The following CHD4 variants were observed in gnomAD, a reference collection of about 807,000 sequenced individuals.
CHD4 encodes the protein chromodomain helicase DNA binding protein 4.
A neutral mutation model predicts 235.5 loss-of-function variants in CHD4; 35 were observed. The ratio of observed to expected loss-of-function variants is 0.15; its 90% CI spans 0.11 to 0.20. The LOEUF is 0.20. CHD4 is among the 10% of genes least tolerant of loss of function. The pLI, the probability that CHD4 is intolerant of heterozygous loss-of-function variation, is 1.00. For missense variants in CHD4, 1,329 were observed against 2,432.3 expected (o/e 0.55, Z 9.54); for synonymous variants, 900 against 850.2 (o/e 1.06, Z -1.02).
chr12:6,581,628 T>C (rs781559340), intron 31 of CHD4, 21 bp downstream of exon 31: 15 of 1,613,736 alleles, frequency 9.3e-6, no homozygotes, highest in East Asian at 2.2e-5. Context: ...GGACAGAAAA[T>C]GATAGGACAG....
chr12:6,596,262 C>CAAAA, intron 12 of CHD4, 125 bp from the exon 13 acceptor site: 1 of 1,222,748 alleles, frequency 8.2e-7, no homozygotes, highest in Non-Finnish European at 1.1e-6. Flanking sequence ...CACACGTTTT[C>CAAAA]AGAGCCTCTA....
intron 22 of CHD4, among the ~76,000 whole-genome samples, chr12:6,588,817 C>T (rs371468099): frequency 1.3e-4 from 20 of 152,038 alleles, no homozygotes; most frequent in East Asian, 3.9e-4. Context: ...TGGTGGCACA[C>T]GCCTGTAGTC....
chr12:6,587,543 C>G lies in CHD4; in HGVS notation c.3720G>C (p.Glu1240Asp), dbSNP rs776708445. The G allele has an allele frequency of 6.2e-7, 1 of 1,614,104 alleles. No homozygotes were observed. Among genetic ancestry groups the G allele is most frequent in the Non-Finnish European group, 8.5e-7 (1 of 1,179,990 alleles). ...AGTGGATAACACTGCTATCTTCTCC[C>G]TCTTTGTTGTCTCCTCCTATAAAAA... ...EATDGGGDNK[E>D]GEDSSVIHYD... Residue 1240 changes from glutamate (E) to aspartate (D), a missense_variant, in exon 25 of 40, where the codon GAG becomes GAC. By Grantham distance (45) the Glu-to-Asp change is conservative. This residue lies in a region of CHD4 where 21 missense variants were observed against 53.5 expected (regional missense o/e 0.39). Transcript: ENST00000544040.
chr12:6,591,082 C>G (rs773707679), intron 22 of CHD4, among the ~76,000 whole-genome samples: 5 of 143,020 alleles, frequency 3.5e-5, no homozygotes, highest in Non-Finnish European at 7.6e-5. Flanking sequence ...AAGATCGTGC[C>G]GCTGCACTCC....
At chr12:6,590,414 GTTA>G (rs1437322190) in intron 22 of CHD4, among the ~76,000 whole-genome samples, 10 of 152,050 alleles carry the variant, frequency 6.6e-5, no homozygotes, top group Non-Finnish European at 1.0e-4. Context: ...AGTTACGTAA[GTTA>G]TTATTAAGAG....
At chr12:6,576,153 T>C (rs1948067089) in intron 37 of CHD4, among the ~76,000 whole-genome samples, 1 of 151,830 alleles carries the variant, frequency 6.6e-6, no homozygotes, top group Non-Finnish European at 1.5e-5. Flanking sequence ...GGTCAAGAGA[T>C]CGAGACCATC....
chr12:6,578,997 G>A lies in CHD4; in HGVS notation c.4910-80C>T, dbSNP rs1028066210. The A allele has an allele frequency of 1.3e-5, 17 of 1,311,742 alleles. No individual in the cohort carries two copies. In the East Asian group the frequency reaches 3.5e-4, roughly 27 times the overall value. The allele number at this position is 1,311,742 out of a possible 1,614,324, so 81.3% of individuals were successfully genotyped here. Reference sequence around the variant, plus strand: ...TTGCACACTATTATCCAATTGGATAGACCCACATCTAAATGTCTGCAATTA... The same window carrying A: ...TTGCACACTATTATCCAATTGGATAAACCCACATCTAAATGTCTGCAATTA... On this transcript the variant is annotated intron_variant, in intron 33 of 39. Transcript: ENST00000544040.
intron 23 of CHD4, 118 bp from the exon 24 acceptor site, chr12:6,588,067 G>T (rs1211502267): frequency 6.6e-6 from 8 of 1,211,886 alleles, no homozygotes; most frequent in Non-Finnish European, 9.3e-6. Context: ...TACATTCATA[G>T]GAAACTTCCT....
At chr12:6,597,300 TAAAG>T (rs946271820) in intron 12 of CHD4, among the ~76,000 whole-genome samples, 2 of 149,446 alleles carry the variant, frequency 1.3e-5, no homozygotes, top group African/African-American at 4.9e-5. Context: ...AATAAATAAA[TAAAG>T]ATAATAACAT....
chr12:6,588,053 A>C, intron 23 of CHD4, 104 bp from the exon 24 acceptor site: 1 of 1,271,292 alleles, frequency 7.9e-7, no homozygotes, highest in Admixed American at 1.9e-5. Context: ...CAAGGTCCAC[A>C]GCCTACATTC....
rs767352912 is a variant in CHD4 at position 6,595,326 on chromosome 12, C to T, written c.2121+8G>A. Reference sequence around the variant, plus strand: ...CAACAAACTACAGTCCCTTCCACCCCCACTCACATCAACTGTTGGCGTTTC... The same window carrying T: ...CAACAAACTACAGTCCCTTCCACCCTCACTCACATCAACTGTTGGCGTTTC... On this transcript the variant is annotated splice_region_variant and intron_variant, in intron 14 of 39. Transcript: ENST00000544040. 6.2e-7 allele frequency: 1 copy of T among 1,612,232 alleles called. No homozygotes were observed. The highest frequency in any genetic ancestry group is 1.1e-5 in the South Asian group (1 of 91,026).
At chr12:6,605,201 G>A (rs749593256) in intron 2 of CHD4, among the ~76,000 whole-genome samples, 8 of 152,162 alleles carry the variant, frequency 5.3e-5, no homozygotes, top group Admixed American at 2.6e-4. Flanking sequence ...AGTGAATGAT[G>A]CTGGATGAGA....
rs1041811236 is a variant in CHD4, at chr12:6,593,279, A to G, written c.2515-51T>C. On this transcript the variant is annotated intron_variant, in intron 16 of 39. Transcript: ENST00000544040. This position sits in a 1 kb window ranked among gnomAD's most constrained non-coding sequence, Gnocchi z 4.9. ...TACTAGTCAGTTCCTCTGTGTAAGC[A>G]CAACCAGGAGACTGATGGAATGTTT... The G allele has an allele frequency of 6.2e-7, 1 of 1,611,688 alleles. No homozygotes were observed. The highest frequency in any genetic ancestry group is 8.5e-7 in the Non-Finnish European group (1 of 1,178,284).
At position 6,578,453 on chromosome 12, in the gene CHD4, A is replaced by G. The variant is rs567609607; in HGVS notation, c.5075T>C (p.Ile1692Thr). 5.6e-6 allele frequency: 9 copies of G among 1,614,104 alleles called. No individual in the cohort carries two copies. The highest frequency in any genetic ancestry group is 2.2e-5 in the East Asian group (1 of 44,890). ...DLNDEKQKKN[I>T]KQRFMFNIAD... ...AATGTTAAACATGAAACGTTGTTTA[A>G]TATTTTTCTTCTGTTTCTCATCATT... The change falls in exon 35 of 40, where the codon ATT becomes ACT. Residue 1692 changes from isoleucine (I) to threonine (T), a missense_variant. Around this residue, in one of 26 missense-constraint regions of CHD4, gnomAD observed 219 missense variants for 219.3 expected, o/e 1.00. Coordinates refer to ENST00000544040, the MANE Select transcript of CHD4 (RefSeq NM_001273.5).
At chr12:6,583,559 AT>A (rs1948230170) in intron 25 of CHD4, 181 bp from the exon 26 acceptor site, 8 of 551,586 alleles carry the variant, frequency 1.5e-5, no homozygotes, top group Non-Finnish European at 1.9e-5. Context: ...GCTCCTCATA[AT>A]TACATATAGA....
intron 37 of CHD4, among the ~76,000 whole-genome samples, chr12:6,575,112 CAG>C (rs1948045966): frequency 6.6e-6 from 1 of 151,732 alleles, no homozygotes; most frequent in South Asian, 2.1e-4. Context: ...GTATATGCAA[CAG>C]AGACTACATG....
chr12:6,597,887 C>T lies in CHD4; in HGVS notation c.1892+7G>A. On this transcript the variant is annotated splice_region_variant and intron_variant, in intron 12 of 39. Coordinates refer to ENST00000544040, the MANE Select transcript of CHD4 (RefSeq NM_001273.5). ...GACTGCCCGTCTCCCGTGTGCTCAG[C>T]TGGTACCTGTGGTTGAGGATTCGGT... 1 of 1,613,986 alleles carries T rather than the reference C, an allele frequency of 6.2e-7. No individual in the cohort carries two copies.
rs769524354 is a variant in CHD4, at chr12:6,600,410, G to A, written c.1064-15C>T. ...CTCCTCCTCGCCTGGGCAAGGAAGA[G>A]GGAAAGCCCAGTTATTGGAAAAAAA... On this transcript the variant is annotated splice_polypyrimidine_tract_variant and intron_variant, in intron 8 of 39. Coordinates refer to ENST00000544040, the MANE Select transcript of CHD4 (RefSeq NM_001273.5). 6.2e-7 allele frequency: 1 copy of A among 1,613,204 alleles called. No homozygotes were observed.
At chr12:6,585,433 G>A (rs369530411) in intron 25 of CHD4, among the ~76,000 whole-genome samples, 15 of 151,590 alleles carry the variant, frequency 9.9e-5, no homozygotes, top group African/African-American at 3.1e-4. Flanking sequence ...ACAGGCGCCC[G>A]CCACCACGCC....
Sources: gnomAD v4.1 joint callset for allele counts (sites outside exome capture counted in the v4.1 genomes callset) on GRCh38, gnomAD v4.1.1 for gene constraint, gnomAD v4.1.1 regional missense constraint, Gnocchi (gnomAD v3.1) non-coding constraint, MANE v1.5 for transcripts, NCBI Gene and HGNC (gene_info 2026-07-23, HGNC 2026-07-21) for gene names.